Variants in EPB41L5 observed in about 807,000 individuals in gnomAD.
EPB41L5 encodes erythrocyte membrane protein band 4.1 like 5.
EPB41L5 carries 55 observed loss-of-function variants against 106.6 expected under a neutral mutation model. The observed-to-expected ratio is 0.52, with a 90% CI of 0.42 to 0.65. The LOEUF (loss-of-function observed/expected upper bound fraction) is 0.65, where lower values mean the gene tolerates loss of function less well. EPB41L5 is among the 30% of genes least tolerant of loss of function. The pLI is 0.00. For synonymous variants in EPB41L5, 297 were observed against 306.7 expected, an observed-to-expected ratio of 0.97 and a Z score of 0.33; for missense variants, 871 against 882.1, an observed-to-expected ratio of 0.99 and a Z score of 0.16.
intron 2 of EPB41L5, among the ~76,000 whole-genome samples, chr2:120,041,770 G>T (rs1679420550): frequency 6.6e-6 from 1 of 152,084 alleles, no homozygotes; most frequent in Non-Finnish European, 1.5e-5. Context: ...AATTTTTGTT[G>T]GTTGATTGGA....
chr2:120,083,754 T>A (rs533558958), intron 10 of EPB41L5, among the ~76,000 whole-genome samples: 2 of 152,346 alleles, frequency 1.3e-5, no homozygotes, highest in South Asian at 4.1e-4. Flanking sequence ...TGTAGGTCTC[T>A]AAGCACTTGC....
At chr2:120,021,536 G>T (rs754161796) in intron 2 of EPB41L5, among the ~76,000 whole-genome samples, 15 of 152,096 alleles carry the variant, frequency 9.9e-5, no homozygotes, top group Admixed American at 8.5e-4. Flanking sequence ...AGCTACTTGG[G>T]AGGCTGAGGC....
chr2:120,171,953 A>G (rs189618131), intron 24 of EPB41L5, among the ~76,000 whole-genome samples: 3 of 152,276 alleles, frequency 2.0e-5, no homozygotes, highest in Non-Finnish European at 2.9e-5. Context: ...TCACAAAATC[A>G]TAGTATCTGA....
chr2:120,152,242 T>C (rs551885914), intron 20 of EPB41L5, among the ~76,000 whole-genome samples: 5 of 152,350 alleles, frequency 3.3e-5, no homozygotes, highest in African/African-American at 9.6e-5. Context: ...GCATTTTTGT[T>C]ATATGCTTTT....
In EPB41L5 at chr2:120,041,993, C is replaced by T. The variant is rs763380670; in HGVS notation, c.181-13C>T. 5 of 1,588,750 alleles carry T rather than the reference C, an allele frequency of 3.1e-6. No homozygotes were observed. In the South Asian group the frequency reaches 5.6e-5, roughly 18 times the overall value. ...AACCACTTATTGATTTACTTATTAT[C>T]TTGCCATTTCAGAAAAAAGCCAAAG... On this transcript the variant is annotated splice_polypyrimidine_tract_variant and intron_variant, in intron 2 of 24. Transcript: ENST00000263713.
chr2:120,174,109 T>C (rs1028756520), intron 24 of EPB41L5, among the ~76,000 whole-genome samples: 15 of 152,228 alleles, frequency 9.9e-5, no homozygotes, highest in African/African-American at 3.6e-4. Context: ...CACACGGCTC[T>C]AACAAAATAG....
At chr2:120,131,546 C>A in intron 17 of EPB41L5, 72 bp from the exon 18 acceptor site, 1 of 1,007,086 alleles carries the variant, frequency 9.9e-7, no homozygotes, top group Non-Finnish European at 1.6e-6. Flanking sequence ...CAAAACAAAA[C>A]CATACCCTCA....
chr2:120,121,672 G>A (rs1685220941), intron 16 of EPB41L5, among the ~76,000 whole-genome samples: 1 of 152,140 alleles, frequency 6.6e-6, no homozygotes, highest in Admixed American at 6.5e-5. Context: ...TGTCTTTATA[G>A]TAGCATGATT....
At chr2:120,027,411 T>C (rs1245789399) in intron 2 of EPB41L5, among the ~76,000 whole-genome samples, 1 of 152,194 alleles carries the variant, frequency 6.6e-6, no homozygotes, top group Non-Finnish European at 1.5e-5. Context: ...AGAACATTAT[T>C]CTGTTAAAAG....
At position 120,019,107 on chromosome 2, in the gene EPB41L5, C is replaced by A; in HGVS notation, c.23C>A (p.Thr8Lys). 1 of 1,610,030 alleles carries A rather than the reference C, an allele frequency of 6.2e-7. No homozygotes were observed. Among genetic ancestry groups the A allele is most frequent in the Middle Eastern group, 1.8e-4 (1 of 5,526 alleles). The change falls in exon 2 of 25, where the codon ACA (threonine) becomes AAA (lysine). Residue 8 changes from threonine (T) to lysine (K), a missense_variant. Coordinates refer to ENST00000263713, the MANE Select transcript of EPB41L5 (RefSeq NM_020909.4). ...AAAATGCTGAGTTTCTTCCGTAGAA[C>A]ACTAGGGCGTCGGTCTATGCGTAAA... The part of the protein sequence containing the change: MLSFFRR[T>K]LGRRSMRKHA...
chr2:120,162,299 C>T (rs1377422403), intron 21 of EPB41L5, among the ~76,000 whole-genome samples: 1 of 152,170 alleles, frequency 6.6e-6, no homozygotes, highest in Admixed American at 6.5e-5. Flanking sequence ...TCATAGAAAC[C>T]CAGTTTATTG....
rs1388708025 is a variant in EPB41L5, at chr2:120,106,991, A to G, written c.1337+6177A>G. On this transcript the variant is annotated intron_variant, in intron 16 of 24. Coordinates refer to ENST00000263713, the MANE Select transcript of EPB41L5 (RefSeq NM_020909.4). ...AATATTGTAATACCAGTATAATTCAAATCATCTTTTTTTTTTTGGAGGGGA... is the reference window on the plus strand; with the variant it reads ...AATATTGTAATACCAGTATAATTCAGATCATCTTTTTTTTTTTGGAGGGGA... The G allele has an allele frequency of 3.5e-6, 3 of 869,098 alleles. 1 individual carries two copies. The highest frequency in any genetic ancestry group is 1.4e-6 in the Non-Finnish European group (1 of 724,138). The allele number at this position is 869,098 out of a possible 1,614,324, so 53.8% of individuals were successfully genotyped here. A position where few individuals can be genotyped will look rare whatever the true frequency, so the allele number is the denominator to read the frequency against.
intron 3 of EPB41L5, among the ~76,000 whole-genome samples, chr2:120,072,218 T>A (rs1361001873): frequency 6.6e-6 from 1 of 151,928 alleles, no homozygotes; most frequent in African/African-American, 2.4e-5. Flanking sequence ...GAAATGCAAA[T>A]CAAAACCACA....
At chr2:120,025,885 T>TA (rs1678275282) in intron 2 of EPB41L5, among the ~76,000 whole-genome samples, 1 of 152,176 alleles carries the variant, frequency 6.6e-6, no homozygotes, top group Admixed American at 6.5e-5. Flanking sequence ...TTCTAAGACT[T>TA]ACTACAAAGC....
At chr2:120,082,215 T>C (rs1389829876) in intron 10 of EPB41L5, among the ~76,000 whole-genome samples, 1 of 152,236 alleles carries the variant, frequency 6.6e-6, no homozygotes, top group Non-Finnish European at 1.5e-5. Flanking sequence ...CTTCCAGTTT[T>C]TGCCCTTTCA....
Position 120,066,419 on chromosome 2 carries a change from A to G in EPB41L5, c.286-6759A>G, listed in dbSNP as rs77235897. ...TCTAATAACCTGCCTTTTAAAATTT[A>G]ACAATGTAAGTAATTTTTCAAATTC... On this transcript the variant is annotated intron_variant, in intron 3 of 24. Transcript: ENST00000263713. Among the ~76,000 whole-genome samples, 1,261 of 152,338 alleles carry G rather than the reference A, an allele frequency of 8.3e-3. 10 individuals carry two copies. Among genetic ancestry groups the G allele is most frequent in the Non-Finnish European group, 0.013 (902 of 68,024 alleles).
At chr2:120,016,849 G>A (rs935856483) in intron 1 of EPB41L5, among the ~76,000 whole-genome samples, 20 of 151,960 alleles carry the variant, frequency 1.3e-4, no homozygotes, top group African/African-American at 4.1e-4. Context: ...TGGATAGCAA[G>A]TTCCAAAGGG....
intron 19 of EPB41L5, among the ~76,000 whole-genome samples, chr2:120,145,534 G>T (rs1249861815): frequency 6.6e-6 from 1 of 152,174 alleles, no homozygotes; most frequent in Non-Finnish European, 1.5e-5. Context: ...TATGTGGGAA[G>T]CCTCAAGGGA....
At chr2:120,147,773 T>C (rs1027159312) in intron 20 of EPB41L5, among the ~76,000 whole-genome samples, 2 of 152,174 alleles carry the variant, frequency 1.3e-5, no homozygotes, top group Non-Finnish European at 2.9e-5. Flanking sequence ...CTGCCCAATG[T>C]TCATCAGAAG....
Sources: allele counts gnomAD v4.1 joint callset (sites outside exome capture counted in the v4.1 genomes callset), GRCh38; gene constraint gnomAD v4.1.1; transcripts MANE v1.5; gene names NCBI Gene and HGNC (gene_info 2026-07-23, HGNC 2026-07-21).